IGSF11: variants seen among roughly 807,000 people sequenced by gnomAD.
The protein encoded by IGSF11 is immunoglobulin superfamily member 11.
Under a neutral mutation model 41.0 loss-of-function variants are expected in IGSF11, and 22 were observed. The observed-to-expected ratio is 0.54, with a 90% CI of 0.38 to 0.77. The LOEUF is 0.77. IGSF11 is among the 30% of genes least tolerant of loss of function. IGSF11 has a pLI of 0.00. For missense variants in IGSF11, 444 were observed against 530.8 expected, an observed-to-expected ratio of 0.84 and a Z score of 1.61; for synonymous variants, 219 against 201.3, an observed-to-expected ratio of 1.09 and a Z score of -0.74.
At chr3:119,048,029 C>T (rs1458922781) in intron 1 of IGSF11, among the ~76,000 whole-genome samples, 1 of 151,304 alleles carries the variant, frequency 6.6e-6, no homozygotes, top group Non-Finnish European at 1.5e-5. Flanking sequence ...GCACTAAATG[C>T]CCACAAGAGA....
intron 1 of IGSF11, among the ~76,000 whole-genome samples, chr3:119,064,108 T>G (rs996715772): frequency 6.6e-6 from 1 of 152,148 alleles, no homozygotes; most frequent in Non-Finnish European, 1.5e-5. Context: ...GAACCCTGAG[T>G]TGGAATAAAA....
At chr3:119,065,363 C>G (rs941080021) in intron 1 of IGSF11, among the ~76,000 whole-genome samples, 6 of 152,138 alleles carry the variant, frequency 3.9e-5, no homozygotes, top group South Asian at 2.1e-4. Context: ...TCCTGGTCAT[C>G]ATCATGGGAT....
At chr3:118,936,130 A>G (rs1943257425) in intron 1 of IGSF11, among the ~76,000 whole-genome samples, 1 of 152,264 alleles carries the variant, frequency 6.6e-6, no homozygotes, top group East Asian at 1.9e-4. Flanking sequence ...AAAAAAACCA[A>G]AAACTCTATT....
intron 1 of IGSF11, among the ~76,000 whole-genome samples, chr3:119,063,473 T>C (rs1326734613): frequency 6.6e-6 from 1 of 152,208 alleles, no homozygotes; most frequent in Non-Finnish European, 1.5e-5. Context: ...TTTTTTGTTA[T>C]GTTTTGTTTT....
At chr3:119,087,975 G>A (rs947581481) in intron 1 of IGSF11, among the ~76,000 whole-genome samples, 1 of 151,892 alleles carries the variant, frequency 6.6e-6, no homozygotes, top group Admixed American at 6.6e-5. Context: ...TACAATAATC[G>A]TGGGAGACTG....
At chr3:119,062,150 CTGT>C (rs1235429676) in intron 1 of IGSF11, among the ~76,000 whole-genome samples, 23 of 152,056 alleles carry the variant, frequency 1.5e-4, no homozygotes, top group African/African-American at 5.3e-4. Flanking sequence ...TGATTAGCTG[CTGT>C]TATTATTACC....
At chr3:119,023,621 T>C (rs1939533337) in intron 1 of IGSF11, among the ~76,000 whole-genome samples, 3 of 152,126 alleles carry the variant, frequency 2.0e-5, no homozygotes, top group South Asian at 2.1e-4. Flanking sequence ...CTAATTAACA[T>C]ACATGAAGTA....
chr3:118,988,669 G>A (rs1935493605), intron 1 of IGSF11, among the ~76,000 whole-genome samples: 1 of 152,028 alleles, frequency 6.6e-6, no homozygotes, highest in South Asian at 2.1e-4. Context: ...ATCTGCATGT[G>A]GTTTGTCAGT....
chr3:119,119,012 C>G (rs1463225477), intron 1 of IGSF11, among the ~76,000 whole-genome samples: 1 of 152,174 alleles, frequency 6.6e-6, no homozygotes, highest in African/African-American at 2.4e-5. Flanking sequence ...GCATTTTAGT[C>G]AAAGCCATTC....
At chr3:118,911,721 CAGAG>C (rs564142301) in intron 4 of IGSF11, among the ~76,000 whole-genome samples, 119 of 149,464 alleles carry the variant, frequency 8.0e-4, no homozygotes, top group African/African-American at 2.4e-3. Context: ...AGAGGAGACA[CAGAG>C]AGAGAGAGAG....
chr3:118,964,617 T>C (rs775398163), intron 1 of IGSF11, among the ~76,000 whole-genome samples: 11 of 152,196 alleles, frequency 7.2e-5, no homozygotes, highest in Non-Finnish European at 1.3e-4. Context: ...TCTGAGCGTA[T>C]GGAGTATTTT....
At chr3:119,053,640 A>G (rs930921893) in intron 1 of IGSF11, among the ~76,000 whole-genome samples, 1 of 152,156 alleles carries the variant, frequency 6.6e-6, no homozygotes, top group African/African-American at 2.4e-5. Context: ...TACCAACATC[A>G]TTCTTCACAG....
chr3:119,099,519 A>G (rs1369007369), intron 1 of IGSF11, among the ~76,000 whole-genome samples: 1 of 152,196 alleles, frequency 6.6e-6, no homozygotes, highest in African/African-American at 2.4e-5. Flanking sequence ...CTCTTTAAGG[A>G]TACTTAAATC....
chr3:119,092,622 G>A (rs1210693094), intron 1 of IGSF11, among the ~76,000 whole-genome samples: 2 of 152,130 alleles, frequency 1.3e-5, no homozygotes, highest in African/African-American at 4.8e-5. Flanking sequence ...GAGCTACTGT[G>A]CCCAGCCGTG....
At chr3:118,906,498 T>C (rs1352032489) in intron 4 of IGSF11, among the ~76,000 whole-genome samples, 2 of 152,190 alleles carry the variant, frequency 1.3e-5, no homozygotes, top group Non-Finnish European at 1.5e-5. Context: ...GCCCTAACCC[T>C]AACCCTAATT....
At chr3:119,063,956 T>C in intron 1 of IGSF11, among the ~76,000 whole-genome samples, 1 of 152,182 alleles carries the variant, frequency 6.6e-6, no homozygotes, top group East Asian at 1.9e-4. Flanking sequence ...TGGGAAAATG[T>C]CTTGATGAGT....
intron 1 of IGSF11, among the ~76,000 whole-genome samples, chr3:119,006,192 T>G (rs1329332657): frequency 1.5e-5 from 2 of 129,660 alleles, no homozygotes; most frequent in African/African-American, 7.1e-5. Flanking sequence ...TAAACTTCCC[T>G]TCTCGCTTCT....
intron 1 of IGSF11, among the ~76,000 whole-genome samples, chr3:118,951,846 TTGTA>T (rs1262796896): frequency 6.6e-6 from 1 of 152,166 alleles, no homozygotes; most frequent in African/African-American, 2.4e-5. Flanking sequence ...TTGTTTCTAT[TTGTA>T]TGTTTTATCA....
At chr3:119,073,288 T>C (rs1228077203) in intron 1 of IGSF11, among the ~76,000 whole-genome samples, 1 of 152,064 alleles carries the variant, frequency 6.6e-6, no homozygotes, top group African/African-American at 2.4e-5. Flanking sequence ...CAGCTAGACA[T>C]AAAAGTTCTC....
Sources: gnomAD v4.1 joint callset for allele counts (sites outside exome capture counted in the v4.1 genomes callset) on GRCh38, gnomAD v4.1.1 for gene constraint, MANE v1.5 for transcripts, NCBI Gene and HGNC (gene_info 2026-07-23, HGNC 2026-07-21) for gene names.